Variants in HDAC9 observed in about 807,000 individuals in gnomAD.
HDAC9 encodes the protein MEF-2 interacting transcription repressor (MITR) protein.
HDAC9 carries 41 observed loss-of-function variants against 139.4 expected under a neutral mutation model. That is an observed-to-expected ratio of 0.29 (90% CI 0.23 to 0.38). The LOEUF (loss-of-function observed/expected upper bound fraction) is 0.38. Among genes scored for constraint, HDAC9 ranks in the 10% least tolerant of loss-of-function variants. The probability of loss-of-function intolerance (pLI) is 1.00; values close to 1 mark genes in which losing one functional copy is unlikely to be tolerated. For synonymous variants in HDAC9, 517 were observed against 476.2 expected (o/e 1.09, Z -1.12); for missense variants, 1,147 against 1,297.0 (o/e 0.88, Z 1.78).
chr7:18,127,551 A>G (rs1784745540), intron 1 of HDAC9, among the ~76,000 whole-genome samples: 1 of 152,050 alleles, frequency 6.6e-6, no homozygotes, highest in Non-Finnish European at 1.5e-5. Flanking sequence ...TGGGGACCTT[A>G]TTCTCTCTGG....
At chr7:18,751,383 C>T (rs1009191396) in intron 14 of HDAC9, among the ~76,000 whole-genome samples, 2 of 152,120 alleles carry the variant, frequency 1.3e-5, no homozygotes, top group Non-Finnish European at 2.9e-5. Context: ...ATATCCAAAA[C>T]ATGGCAACAA....
intron 23 of HDAC9, among the ~76,000 whole-genome samples, chr7:18,951,994 G>A (rs185607712): frequency 2.0e-5 from 3 of 151,876 alleles, no homozygotes; most frequent in Admixed American, 2.0e-4. Flanking sequence ...ATACCTGCCA[G>A]AGAAAAAATA....
intron 19 of HDAC9, among the ~76,000 whole-genome samples, chr7:18,832,474 G>A (rs1795922932): frequency 6.6e-6 from 1 of 152,176 alleles, no homozygotes; most frequent in South Asian, 2.1e-4. Flanking sequence ...AATGTTTGCA[G>A]TATGCTTTTT....
In HDAC9 at chr7:18,630,669, G is replaced by C. The variant is rs573810317; in HGVS notation, c.796+1188G>C. Among the ~76,000 whole-genome samples the C allele has an allele frequency of 2.0e-4, 31 of 152,180 alleles. No homozygotes were observed. The South Asian group carries it at 6.0e-3, about 30-fold the overall frequency. On this transcript the variant is annotated intron_variant, in intron 7 of 25. Transcript: ENST00000686413. Reference sequence around the variant, plus strand: ...AATAATAAATACAATTATTTTACTAGAGTTTATATGTATTATCCAACATTA... The same window carrying C: ...AATAATAAATACAATTATTTTACTACAGTTTATATGTATTATCCAACATTA...
chr7:18,519,508 C>T (rs961061194), intron 2 of HDAC9, among the ~76,000 whole-genome samples: 5 of 151,912 alleles, frequency 3.3e-5, no homozygotes, highest in South Asian at 2.1e-4. Context: ...AGTAAGTATC[C>T]GAGAAGATGA....
chr7:18,957,499 C>G lies in HDAC9; in HGVS notation c.3022+3269C>G, dbSNP rs1783235090. Among the ~76,000 whole-genome samples, 5 of 152,100 alleles carry G rather than the reference C, an allele frequency of 3.3e-5. No homozygotes were observed. The South Asian group carries it at 1.0e-3, about 32-fold the overall frequency. On this transcript the variant is annotated intron_variant, in intron 24 of 25. Transcript: ENST00000686413. ...CCATTTCACCTGCTCCTTTGGGACT[C>G]CAGGACCCTAATTGTGTTCCTCGTT...
intron 19 of HDAC9, among the ~76,000 whole-genome samples, chr7:18,834,463 C>G (rs1336247810): frequency 6.7e-6 from 1 of 148,154 alleles, no homozygotes; most frequent in Non-Finnish European, 1.5e-5. Context: ...TTTCTTATAT[C>G]AATTCTGGCA....
chr7:18,863,151 C>T (rs1203628584), intron 21 of HDAC9, among the ~76,000 whole-genome samples: 3 of 152,274 alleles, frequency 2.0e-5, no homozygotes, highest in Non-Finnish European at 2.9e-5. Flanking sequence ...TGGGAATGGC[C>T]TTTCACTAAA....
intron 17 of HDAC9, among the ~76,000 whole-genome samples, chr7:18,821,136 C>T (rs1794937184): frequency 6.6e-6 from 1 of 152,290 alleles, no homozygotes; most frequent in East Asian, 1.9e-4. Flanking sequence ...AGGGCAAGCC[C>T]ACCAAAGGCT....
At chr7:18,150,789 G>A (rs1188556272) in intron 1 of HDAC9, among the ~76,000 whole-genome samples, 4 of 152,212 alleles carry the variant, frequency 2.6e-5, no homozygotes, top group African/African-American at 7.2e-5. Flanking sequence ...ATAAAATTAA[G>A]TGCATCTTTT....
chr7:18,382,113 C>G (rs1785497245), intron 1 of HDAC9, among the ~76,000 whole-genome samples: 1 of 151,828 alleles, frequency 6.6e-6, no homozygotes, highest in African/African-American at 2.4e-5. Flanking sequence ...AGGAGAAAAC[C>G]TACGTGGTAT....
chr7:18,441,420 T>A (rs1791746551), intron 1 of HDAC9, among the ~76,000 whole-genome samples: 1 of 152,226 alleles, frequency 6.6e-6, no homozygotes, highest in African/African-American at 2.4e-5. Context: ...GTTAAATGTT[T>A]AAATAAATAT....
chr7:18,255,141 G>A (rs1014690692), intron 2 of HDAC9, among the ~76,000 whole-genome samples: 3 of 152,166 alleles, frequency 2.0e-5, no homozygotes, highest in Admixed American at 6.5e-5. Flanking sequence ...CTAAGTTGTT[G>A]TTGGTAGTAG....
At chr7:18,938,223 T>C (rs1259223140) in intron 23 of HDAC9, among the ~76,000 whole-genome samples, 1 of 91,564 alleles carries the variant, frequency 1.1e-5, no homozygotes, top group East Asian at 3.5e-4. Flanking sequence ...AGAGCGAGAC[T>C]CCGTCTCAAA....
chr7:18,654,428 C>A (rs1790393043), intron 11 of HDAC9, among the ~76,000 whole-genome samples: 5 of 152,048 alleles, frequency 3.3e-5, no homozygotes, highest in Admixed American at 2.6e-4. Flanking sequence ...CTACTATAAG[C>A]TGGACTCCAT....
chr7:18,832,710 G>A (rs371250515), intron 19 of HDAC9, among the ~76,000 whole-genome samples: 2 of 149,768 alleles, frequency 1.3e-5, no homozygotes, highest in East Asian at 3.9e-4. Context: ...TTACAGCAAG[G>A]AAAACAAACA....
rs1349826838 is a variant in HDAC9 at position 19,000,706 on chromosome 7, A to T, written c.*4644A>T. The stretch of plus-strand genomic sequence containing the variant: ...TTGTTGCAATTTCTCAAAGCATCTT[A>T]ATTCTCAAACTGAAACATTTAGCAA... On this transcript the variant is annotated 3_prime_UTR_variant, in exon 26 of 26. Coordinates refer to ENST00000686413, the MANE Select transcript of HDAC9 (RefSeq NM_178425.4). 3 of 152,212 alleles carry T rather than the reference A, an allele frequency of 2.0e-5. No homozygotes were observed. Among genetic ancestry groups the T allele is most frequent in the Non-Finnish European group, 4.4e-5 (3 of 68,036 alleles). 9.4% of individuals were successfully genotyped at this position (152,212 alleles called of 1,614,324 possible).
At chr7:18,468,089 C>G (rs75206209) in intron 1 of HDAC9, among the ~76,000 whole-genome samples, 1 of 152,096 alleles carries the variant, frequency 6.6e-6, no homozygotes, top group African/African-American at 2.4e-5. Flanking sequence ...TATGACTTAT[C>G]GCTGGTGATG....
chr7:18,975,624 C>G (rs576114915), intron 24 of HDAC9, among the ~76,000 whole-genome samples, 182 bp from the exon 25 acceptor site: 15 of 152,308 alleles, frequency 9.8e-5, no homozygotes, highest in Non-Finnish European at 2.1e-4. Flanking sequence ...GGGCACTTCA[C>G]AACTTGGCAT....
Sources: gnomAD v4.1 joint callset for allele counts (sites outside exome capture counted in the v4.1 genomes callset) on GRCh38, gnomAD v4.1.1 for gene constraint, MANE v1.5 for transcripts, NCBI Gene and HGNC (gene_info 2026-07-23, HGNC 2026-07-21) for gene names.